DSCAM: variants seen among roughly 807,000 people sequenced by gnomAD.
The protein encoded by DSCAM is DS cell adhesion molecule.
A neutral mutation model predicts 217.7 loss-of-function variants in DSCAM; 47 were observed. The observed-to-expected ratio is 0.22, with a 90% CI of 0.17 to 0.28. DSCAM has a LOEUF of 0.28. Among genes scored for constraint, DSCAM ranks in the 10% least tolerant of loss-of-function variants. The probability of loss-of-function intolerance (pLI) is 1.00; values close to 1 mark genes in which losing one functional copy is unlikely to be tolerated. For missense variants in DSCAM, 2,080 were observed against 2,618.3 expected, an observed-to-expected ratio of 0.79 and a Z score of 4.49; for synonymous variants, 1,056 against 1,015.3, an observed-to-expected ratio of 1.04 and a Z score of -0.76.
chr21:40,506,104 C>T (rs57161661), intron 3 of DSCAM, among the ~76,000 whole-genome samples: 9,376 of 152,232 alleles, frequency 0.062, 408 homozygotes, highest in African/African-American at 0.12. Context: ...AACTTTTTTA[C>T]TAACGCACTT....
chr21:40,524,547 A>G (rs1048401831), intron 3 of DSCAM, among the ~76,000 whole-genome samples: 1 of 152,222 alleles, frequency 6.6e-6, no homozygotes, highest in South Asian at 2.1e-4. Context: ...TTAACAATCA[A>G]TACAAACTCT....
chr21:40,327,382 T>G (rs2074329158), intron 8 of DSCAM, among the ~76,000 whole-genome samples: 1 of 152,226 alleles, frequency 6.6e-6, no homozygotes, highest in Non-Finnish European at 1.5e-5. Context: ...ATTGTATTCT[T>G]ATATGTTGAT....
chr21:40,041,397 A>G (rs1164731684), intron 32 of DSCAM, among the ~76,000 whole-genome samples: 1 of 152,176 alleles, frequency 6.6e-6, no homozygotes, highest in Non-Finnish European at 1.5e-5. Flanking sequence ...TGCCCTGTAC[A>G]ATGGTTTACA....
chr21:40,223,898 C>T (rs1042907092), intron 11 of DSCAM, among the ~76,000 whole-genome samples: 5 of 152,146 alleles, frequency 3.3e-5, no homozygotes, highest in Non-Finnish European at 5.9e-5. Flanking sequence ...ATGGTTGCCT[C>T]CATCAGGAAG....
chr21:40,269,644 G>A (rs1265093499), intron 11 of DSCAM, among the ~76,000 whole-genome samples: 1 of 152,214 alleles, frequency 6.6e-6, no homozygotes, highest in East Asian at 1.9e-4. Context: ...CAGGGCTGGA[G>A]TCCCTCTGAA....
chr21:40,627,196 A>G (rs1011588240), intron 3 of DSCAM, among the ~76,000 whole-genome samples: 8 of 152,238 alleles, frequency 5.3e-5, no homozygotes, highest in African/African-American at 1.9e-4. Context: ...AAATAACTCT[A>G]ATAACCTGTG....
intron 19 of DSCAM, among the ~76,000 whole-genome samples, chr21:40,127,637 G>A (rs570832939): frequency 3.3e-5 from 5 of 152,208 alleles, no homozygotes; most frequent in South Asian, 2.1e-4. Flanking sequence ...TGTTTCACAC[G>A]GGCACCTTAG....
intron 14 of DSCAM, among the ~76,000 whole-genome samples, chr21:40,182,410 G>A (rs1485827854): frequency 6.6e-6 from 1 of 152,040 alleles, no homozygotes; most frequent in African/African-American, 2.4e-5. Context: ...ACCTTTCAGG[G>A]TGTGACAGAG....
chr21:40,029,019 C>T (rs1157017205), intron 32 of DSCAM, among the ~76,000 whole-genome samples: 1 of 152,126 alleles, frequency 6.6e-6, no homozygotes, highest in African/African-American at 2.4e-5. Flanking sequence ...CCTAAAAATG[C>T]AGCAAATTAT....
intron 3 of DSCAM, among the ~76,000 whole-genome samples, chr21:40,536,697 C>T (rs777837659): frequency 1.3e-5 from 2 of 152,186 alleles, no homozygotes; most frequent in Non-Finnish European, 2.9e-5. Flanking sequence ...TGAGCCACTG[C>T]ACCCGGTCCC....
At chr21:40,794,776 C>T (rs569638687) in intron 1 of DSCAM, among the ~76,000 whole-genome samples, 9 of 150,500 alleles carry the variant, frequency 6.0e-5, no homozygotes, top group African/African-American at 2.2e-4. Flanking sequence ...ATACTATTCA[C>T]AACACAATCT....
intron 11 of DSCAM, among the ~76,000 whole-genome samples, chr21:40,211,657 T>C (rs1443579963): frequency 6.6e-6 from 1 of 152,172 alleles, no homozygotes; most frequent in Admixed American, 6.5e-5. Context: ...GTCAAACATT[T>C]CCAAAGGCAG....
intron 3 of DSCAM, among the ~76,000 whole-genome samples, chr21:40,399,782 G>A (rs1290673455): frequency 6.6e-6 from 1 of 152,116 alleles, no homozygotes; most frequent in Non-Finnish European, 1.5e-5. Context: ...TGCCTTAAGT[G>A]CATTATAAAC....
intron 1 of DSCAM, among the ~76,000 whole-genome samples, chr21:40,779,937 C>T (rs1168766142): frequency 6.6e-6 from 1 of 152,154 alleles, no homozygotes; most frequent in Non-Finnish European, 1.5e-5. Context: ...ATATATACAG[C>T]TATATCCATG....
chr21:40,068,598 T>C (rs923069681), intron 27 of DSCAM, among the ~76,000 whole-genome samples: 22 of 152,222 alleles, frequency 1.4e-4, no homozygotes, highest in African/African-American at 5.3e-4. Context: ...CCAGGTATAA[T>C]TGATAAACCT....
chr21:40,597,683 T>G (rs999898625), intron 3 of DSCAM, among the ~76,000 whole-genome samples: 1 of 151,954 alleles, frequency 6.6e-6, no homozygotes, highest in Non-Finnish European at 1.5e-5. Context: ...ATTTTTTGTG[T>G]TTTTAATAGA....
intron 3 of DSCAM, among the ~76,000 whole-genome samples, chr21:40,676,844 C>T (rs529353199): frequency 1.4e-3 from 209 of 152,072 alleles, no homozygotes; most frequent in African/African-American, 4.6e-3. Flanking sequence ...TTTTAAAGAA[C>T]AAATTACTTC....
intron 2 of DSCAM, among the ~76,000 whole-genome samples, chr21:40,706,371 AAGAAAATATCTTATGTTAGGACT>A (rs1286229032): frequency 6.6e-6 from 1 of 152,152 alleles, no homozygotes; most frequent in African/African-American, 2.4e-5. Flanking sequence ...TAGAACAGGC[AAGAAAATATCTTATGTTAGGACT>A]AGGATTGATG....
chr21:40,499,523 T>G (rs1396238350), intron 3 of DSCAM, among the ~76,000 whole-genome samples: 1 of 152,228 alleles, frequency 6.6e-6, no homozygotes, highest in Non-Finnish European at 1.5e-5. Context: ...CAGCAACGCA[T>G]GTGTCTCATT....
Sources: allele counts gnomAD v4.1 joint callset (sites outside exome capture counted in the v4.1 genomes callset), GRCh38; gene constraint gnomAD v4.1.1; transcripts MANE v1.5; gene names NCBI Gene and HGNC (gene_info 2026-07-23, HGNC 2026-07-21).